HPSE2: variants seen among roughly 807,000 people sequenced by gnomAD.
HPSE2 encodes the protein inactive heparanase-2.
A neutral mutation model predicts 60.5 loss-of-function variants in HPSE2; 38 were observed. That is an observed-to-expected ratio of 0.63 (90% CI 0.48 to 0.82). The LOEUF (loss-of-function observed/expected upper bound fraction) is 0.82, where lower values mean the gene tolerates loss of function less well. Among genes scored for constraint, HPSE2 ranks in the 40% least tolerant of loss-of-function variants. The probability of loss-of-function intolerance (pLI) is 0.00; values close to 1 mark genes in which losing one functional copy is unlikely to be tolerated. For synonymous variants in HPSE2, 295 were observed against 293.2 expected, an observed-to-expected ratio of 1.01 and a Z score of -0.06; for missense variants, 713 against 740.4, an observed-to-expected ratio of 0.96 and a Z score of 0.43.
chr10:98,583,326 C>T (rs550074714), intron 9 of HPSE2, among the ~76,000 whole-genome samples: 4 of 152,250 alleles, frequency 2.6e-5, no homozygotes, highest in African/African-American at 9.6e-5. Context: ...GTTCTTGAGC[C>T]GCTTGCTCGA....
intron 7 of HPSE2, among the ~76,000 whole-genome samples, chr10:98,640,076 A>G (rs995119307): frequency 6.6e-6 from 1 of 152,220 alleles, no homozygotes; most frequent in African/African-American, 2.4e-5. Context: ...AGATTAGCAT[A>G]ATGTGCTTAG....
chr10:99,048,304 A>G, intron 3 of HPSE2: 1 of 444,020 alleles, frequency 2.3e-6, no homozygotes, highest in South Asian at 2.0e-5. Flanking sequence ...GAATGAAGAA[A>G]AAGACCACCC....
rs982810614 is a variant in HPSE2 at position 99,188,795 on chromosome 10, G to A, written c.448+43553C>T. ...TTTGTTTAAATATTTTTATAACATC[G>A]AAATGTAAATTCATTTGCAGAGATG... On this transcript the variant is annotated intron_variant, in intron 2 of 11. Transcript: ENST00000370552. Among the ~76,000 whole-genome samples the A allele has an allele frequency of 9.9e-5, 15 of 152,258 alleles. No homozygotes were observed. In the Middle Eastern group the frequency reaches 0.01, roughly 104 times the overall value.
chr10:98,916,244 A>C (rs1196444815), intron 3 of HPSE2, among the ~76,000 whole-genome samples: 3 of 152,220 alleles, frequency 2.0e-5, no homozygotes, highest in Non-Finnish European at 4.4e-5. Flanking sequence ...TAACAACTTA[A>C]TGGGAATGCA....
Position 98,567,148 on chromosome 10 carries a change from G to A in HPSE2, c.1320+47756C>T, listed in dbSNP as rs973069923. 1.3e-5 allele frequency among the ~76,000 whole-genome samples: 2 copies of A among 152,130 alleles called. 1 individual carries two copies. Among genetic ancestry groups the A allele is most frequent in the East Asian group, 3.9e-4 (2 of 5,184 alleles). On this transcript the variant is annotated intron_variant, in intron 9 of 11. Coordinates refer to ENST00000370552, the MANE Select transcript of HPSE2 (RefSeq NM_021828.5). ...TGCATTTTTTATAAGCTTCCCCACC[G>A]ACTCTGACACAGGTAGCCCAAGCAA...
chr10:98,937,246 G>T lies in HPSE2; in HGVS notation c.611-193190C>A, dbSNP rs1954827773. Among the ~76,000 whole-genome samples the T allele has an allele frequency of 1.4e-5, 2 of 143,814 alleles. 1 individual carries two copies. Among genetic ancestry groups the T allele is most frequent in the Non-Finnish European group, 3.0e-5 (2 of 67,154 alleles). The allele number at this position is 143,814 out of a possible 152,430, so 94.3% of individuals were successfully genotyped here. ...CCAGACAGTGGGCGCAGGACAGTGG[G>T]TGCAGCGCACCGTGCGCAAGCTGAA... On this transcript the variant is annotated intron_variant, in intron 3 of 11. Coordinates refer to ENST00000370552, the MANE Select transcript of HPSE2 (RefSeq NM_021828.5).
chr10:98,691,289 A>G (rs189927039), intron 6 of HPSE2, among the ~76,000 whole-genome samples: 85 of 152,122 alleles, frequency 5.6e-4, no homozygotes, highest in African/African-American at 2.0e-3. Flanking sequence ...AAGAAATACA[A>G]CCCCCTGCTT....
At chr10:99,199,458 G>A (rs1848505294) in intron 2 of HPSE2, among the ~76,000 whole-genome samples, 1 of 151,878 alleles carries the variant, frequency 6.6e-6, no homozygotes. Context: ...TTTTGGGTAT[G>A]GTATAAAATA....
At position 98,609,611 on chromosome 10, in the gene HPSE2, A is replaced by G. The variant is rs187066482; in HGVS notation, c.1320+5293T>C. Reference sequence around the variant, plus strand: ...TTTCTACATGTATGTATATATACCAAATCAGAATCCTATTTTTATACCTAA... The same window carrying G: ...TTTCTACATGTATGTATATATACCAGATCAGAATCCTATTTTTATACCTAA... On this transcript the variant is annotated intron_variant, in intron 9 of 11. Transcript: ENST00000370552. Among the ~76,000 whole-genome samples the G allele has an allele frequency of 6.4e-3, 978 of 152,320 alleles. 6 individuals are homozygous for G. Among genetic ancestry groups the G allele is most frequent in the African/African-American group, 0.022 (935 of 41,566 alleles).
the HPSE2 span, among the ~76,000 whole-genome samples, chr10:99,276,005 A>G: frequency 6.6e-6 from 1 of 152,204 alleles, no homozygotes; most frequent in Non-Finnish European, 1.5e-5. Context: ...AGCCAAATAG[A>G]AATAACTGAA....
chr10:98,630,806 G>C (rs1180707414), intron 7 of HPSE2, among the ~76,000 whole-genome samples: 1 of 152,086 alleles, frequency 6.6e-6, no homozygotes, highest in East Asian at 1.9e-4. Context: ...TGATGAGAAA[G>C]CTAAGTTTCA....
intron 2 of HPSE2, among the ~76,000 whole-genome samples, chr10:99,227,630 C>T (rs1359315475): frequency 6.6e-6 from 1 of 151,744 alleles, no homozygotes; most frequent in Admixed American, 6.6e-5. Context: ...CATTTCTCCA[C>T]TGGTCACCTC....
At chr10:99,260,157 C>T in the HPSE2 span, among the ~76,000 whole-genome samples, 7 of 152,028 alleles carry the variant, frequency 4.6e-5, no homozygotes, top group Non-Finnish European at 1.0e-4. Context: ...AAAGTTAAAG[C>T]CCACAGATGT....
At chr10:98,892,883 T>G (rs1276920354) in intron 3 of HPSE2, among the ~76,000 whole-genome samples, 1 of 152,186 alleles carries the variant, frequency 6.6e-6, no homozygotes, top group Non-Finnish European at 1.5e-5. Flanking sequence ...ATTAAACCTT[T>G]GTAGAGCTGT....
the HPSE2 span, among the ~76,000 whole-genome samples, chr10:99,241,360 A>C: frequency 1.3e-5 from 2 of 152,244 alleles, no homozygotes; most frequent in African/African-American, 4.8e-5. Context: ...TAAAATTTTT[A>C]ATGGTTCTAA....
At chr10:98,979,577 G>A (rs1460298086) in intron 3 of HPSE2, among the ~76,000 whole-genome samples, 2 of 152,102 alleles carry the variant, frequency 1.3e-5, no homozygotes, top group African/African-American at 4.8e-5. Context: ...TATTAAAGAG[G>A]TGTTTTTAAA....
At chr10:98,965,443 A>AT (rs1016390356) in intron 3 of HPSE2, among the ~76,000 whole-genome samples, 1 of 151,852 alleles carries the variant, frequency 6.6e-6, no homozygotes, top group Non-Finnish European at 1.5e-5. Flanking sequence ...TTAAGTAAAA[A>AT]AAAAAACAAC....
At chr10:98,510,453 C>T (rs1484685713) in intron 9 of HPSE2, among the ~76,000 whole-genome samples, 1 of 152,190 alleles carries the variant, frequency 6.6e-6, no homozygotes, top group Non-Finnish European at 1.5e-5. Context: ...TGGAGTCTGG[C>T]TTCCTGAGAG....
At chr10:98,801,830 T>C (rs946573794) in intron 3 of HPSE2, among the ~76,000 whole-genome samples, 1 of 151,990 alleles carries the variant, frequency 6.6e-6, no homozygotes, top group African/African-American at 2.4e-5. Context: ...TTCCTAGAAA[T>C]AGAAAAAACA....
Sources: gnomAD v4.1 joint callset for allele counts (sites outside exome capture counted in the v4.1 genomes callset) on GRCh38, gnomAD v4.1.1 for gene constraint, MANE v1.5 for transcripts, NCBI Gene and HGNC (gene_info 2026-07-23, HGNC 2026-07-21) for gene names.